Variants in C4orf51 observed in about 807,000 individuals in gnomAD.
C4orf51 encodes uncharacterized protein C4orf51.
In C4orf51, 25 loss-of-function variants were observed where a neutral mutation model predicts 25.2. That is an observed-to-expected ratio of 0.99 (90% CI 0.72 to 1.39). The LOEUF is 1.39. C4orf51 is among the 40% of genes most tolerant of loss of function. C4orf51 has a pLI of 0.00. For synonymous variants in C4orf51, 100 were observed against 84.5 expected (o/e 1.18, Z -1.01); for missense variants, 252 against 239.6 (o/e 1.05, Z -0.34).
chr4:145,750,821 T>G (rs1191417857), intron 1 of C4orf51, among the ~76,000 whole-genome samples: 5 of 152,134 alleles, frequency 3.3e-5, no homozygotes, highest in African/African-American at 1.2e-4. Context: ...GTAGGAATGT[T>G]TAATTCTTTT....
intron 1 of C4orf51, among the ~76,000 whole-genome samples, chr4:145,753,920 C>T (rs557583708): frequency 1.4e-4 from 21 of 152,372 alleles, no homozygotes; most frequent in African/African-American, 5.0e-4. Context: ...GGCCCTGCTA[C>T]ATGAATGAGA....
intron 1 of C4orf51, among the ~76,000 whole-genome samples, chr4:145,691,532 G>A (rs778614283): frequency 3.3e-5 from 5 of 152,162 alleles, no homozygotes; most frequent in Admixed American, 6.5e-5. Context: ...GCAAAGACAT[G>A]GAATCAACTT....
At chr4:145,739,137 G>A (rs1207558953) in intron 1 of C4orf51, among the ~76,000 whole-genome samples, 1 of 152,070 alleles carries the variant, frequency 6.6e-6, no homozygotes, top group Non-Finnish European at 1.5e-5. Context: ...ATTTGTCATC[G>A]ACCTACCTAA....
the C4orf51 span, among the ~76,000 whole-genome samples, chr4:145,790,280 GT>G: frequency 6.6e-6 from 1 of 152,162 alleles, no homozygotes; most frequent in East Asian, 1.9e-4. Context: ...TCTCTTGTTT[GT>G]CATTGAACTA....
intron 2 of C4orf51, among the ~76,000 whole-genome samples, chr4:145,702,888 G>A (rs920336199): frequency 6.6e-6 from 1 of 151,128 alleles, no homozygotes; most frequent in Non-Finnish European, 1.5e-5. Context: ...CCTCCCTTCA[G>A]CTTAATCTCT....
At chr4:145,774,750 C>A, downstream of C4orf51, 2 of 1,461,884 alleles carry the variant, frequency 1.4e-6, no homozygotes, top group Non-Finnish European at 1.9e-6. Context: ...TCCATTTATA[C>A]ACAGTACACT....
chr4:145,738,400 A>T (rs535675470), intron 1 of C4orf51, among the ~76,000 whole-genome samples: 2 of 151,782 alleles, frequency 1.3e-5, no homozygotes, highest in African/African-American at 4.8e-5. Context: ...CAGTGAGCTG[A>T]GATCGCACCA....
intron 1 of C4orf51, among the ~76,000 whole-genome samples, chr4:145,741,945 C>A (rs1315802695): frequency 1.3e-5 from 2 of 152,146 alleles, no homozygotes; most frequent in Non-Finnish European, 2.9e-5. Context: ...AAGTGATCCG[C>A]CTGCCTCGGC....
intron 1 of C4orf51, among the ~76,000 whole-genome samples, chr4:145,766,062 C>T (rs1222242903): frequency 1.3e-5 from 2 of 152,158 alleles, no homozygotes; most frequent in Non-Finnish European, 2.9e-5. Flanking sequence ...TAAATTATCT[C>T]ATTTTGTTTT....
chr4:145,776,612 T>TTGTG, the C4orf51 span, among the ~76,000 whole-genome samples: 1 of 151,042 alleles, frequency 6.6e-6, no homozygotes, highest in Non-Finnish European at 1.5e-5. Context: ...GCATGTCTGT[T>TTGTG]TGTGTGTGTG....
chr4:145,791,777 A>G, the C4orf51 span, among the ~76,000 whole-genome samples: 1 of 152,210 alleles, frequency 6.6e-6, no homozygotes, highest in Non-Finnish European at 1.5e-5. Flanking sequence ...ATATAATTTC[A>G]TTTAACTCTC....
chr4:145,682,594 T>A (rs188032713), intron 1 of C4orf51, among the ~76,000 whole-genome samples: 30 of 152,324 alleles, frequency 2.0e-4, no homozygotes, highest in Non-Finnish European at 3.7e-4. Context: ...TTTATTCATC[T>A]TATTTATTTA....
rs572592986 is a variant in C4orf51 at position 145,694,874 on chromosome 4, T to G, written c.234-1685T>G. 2.8e-4 allele frequency among the ~76,000 whole-genome samples: 42 copies of G among 152,322 alleles called. 1 individual carries two copies. Among genetic ancestry groups the G allele is most frequent in the African/African-American group, 9.1e-4 (38 of 41,574 alleles). On this transcript the variant is annotated intron_variant, in intron 1 of 5. Transcript: ENST00000438731. ...CTCATAAATCCCTTTGAAATAATTA[T>G]GAACTTAATGTTTGAGCTTTTCATG...
the C4orf51 span, among the ~76,000 whole-genome samples, chr4:145,777,539 CTATGTCATCTAAGT>C: frequency 6.6e-6 from 1 of 152,158 alleles, no homozygotes; most frequent in Non-Finnish European, 1.5e-5. Flanking sequence ...TTTAAATGAT[CTATGTCATCTAAGT>C]GTTCAGCTTT....
chr4:145,762,903 C>T lies in C4orf51; in HGVS notation n.167-8085C>T, dbSNP rs1734753817. On this transcript the variant is annotated intron_variant and non_coding_transcript_variant, in intron 1 of 1. Coordinates refer to the C4orf51 transcript ENST00000510096. The surrounding 1 kb of genome is among the most constrained non-coding windows in gnomAD (Gnocchi z 4.9). ...GGGCAGGGCTCAGGAGTGGACTGTC[C>T]TCGGAGGGTCTGGAGAGGTGTTCAG... is the stretch of plus-strand genomic sequence containing the variant. Among the ~76,000 whole-genome samples, 1 of 152,212 alleles carries T rather than the reference C, an allele frequency of 6.6e-6. No individual in the cohort carries two copies. Among genetic ancestry groups the T allele is most frequent in the Non-Finnish European group, 1.5e-5 (1 of 68,044 alleles).
At position 145,701,440 on chromosome 4, in the gene C4orf51, C is replaced by T. The variant is rs1309325630; in HGVS notation, c.307+4808C>T. The stretch of plus-strand genomic sequence containing the variant: ...CCCAGGATTCCTCCTAAGCCGTGTC[C>T]CATCTGTGCGGGGACCCCACTGGAA... On this transcript the variant is annotated intron_variant, in intron 2 of 5. Coordinates refer to ENST00000438731, the MANE Select transcript of C4orf51 (RefSeq NM_001080531.3). Among the ~76,000 whole-genome samples, 2 of 152,038 alleles carry T rather than the reference C, an allele frequency of 1.3e-5. 1 individual carries two copies. Among genetic ancestry groups the T allele is most frequent in the Non-Finnish European group, 2.9e-5 (2 of 68,022 alleles).
intron 1 of C4orf51, among the ~76,000 whole-genome samples, chr4:145,768,589 C>T (rs1466114480): frequency 6.6e-6 from 1 of 151,840 alleles, no homozygotes; most frequent in Non-Finnish European, 1.5e-5. Context: ...ATGACCCCAT[C>T]GTTTTAGGTT....
chr4:145,738,513 A>C (rs1732933445), intron 1 of C4orf51, among the ~76,000 whole-genome samples: 1 of 151,884 alleles, frequency 6.6e-6, no homozygotes, highest in Admixed American at 6.6e-5. Context: ...GTGTTTTATG[A>C]AGAAACTAAG....
At chr4:145,704,309 A>G (rs1434229072) in intron 2 of C4orf51, among the ~76,000 whole-genome samples, 1 of 152,222 alleles carries the variant, frequency 6.6e-6, no homozygotes, top group Non-Finnish European at 1.5e-5. Context: ...GGGAGAAGGC[A>G]TAGAAATGGG....
Sources: gnomAD v4.1 joint callset for allele counts (sites outside exome capture counted in the v4.1 genomes callset) on GRCh38, gnomAD v4.1.1 for gene constraint, Gnocchi (gnomAD v3.1) non-coding constraint, MANE v1.5 for transcripts, NCBI Gene and HGNC (gene_info 2026-07-23, HGNC 2026-07-21) for gene names.